The following STK3 variants were observed in gnomAD, a reference collection of about 807,000 sequenced individuals.
STK3 encodes the protein serine/threonine-protein kinase 3.
STK3 carries 41 observed loss-of-function variants against 58.0 expected under a neutral mutation model. That is an observed-to-expected ratio of 0.71 (90% CI 0.55 to 0.92). The LOEUF is 0.92. Among genes scored for constraint, STK3 ranks in the 40% least tolerant of loss-of-function variants. The pLI is 0.00. For missense variants in STK3, 479 were observed against 602.7 expected, an observed-to-expected ratio of 0.79 and a Z score of 2.15; for synonymous variants, 170 against 191.0, an observed-to-expected ratio of 0.89 and a Z score of 0.91.
chr8:98,657,800 AAC>A (rs1205144382), intron 6 of STK3, among the ~76,000 whole-genome samples: 3 of 152,140 alleles, frequency 2.0e-5, no homozygotes, highest in South Asian at 4.1e-4. Context: ...AAAGTGAAGA[AAC>A]ACAGACACAT....
At chr8:98,413,911 CCTAT>C (rs975231829) in intron 3 of STK3, 152 of 428,172 alleles carry the variant, frequency 3.5e-4, no homozygotes, top group African/African-American at 2.9e-3. Flanking sequence ...TTCACAGGGC[CCTAT>C]ATTTATTTGA....
chr8:98,827,987 T>G (rs1027362872), upstream of STK3, among the ~76,000 whole-genome samples: 3 of 141,746 alleles, frequency 2.1e-5, no homozygotes, highest in African/African-American at 7.9e-5. Flanking sequence ...TACTCCCAGC[T>G]TTTTTTTTTT....
chr8:98,623,051 C>T (rs1405691306), intron 6 of STK3, among the ~76,000 whole-genome samples: 1 of 151,902 alleles, frequency 6.6e-6, no homozygotes, highest in Non-Finnish European at 1.5e-5. Context: ...ATGAGTAATG[C>T]TCCAAAATAC....
At chr8:98,383,507 C>CA (rs1260731533) in intron 1 of STK3, among the ~76,000 whole-genome samples, 1 of 152,232 alleles carries the variant, frequency 6.6e-6, no homozygotes, top group African/African-American at 2.4e-5. Flanking sequence ...AATACTGGCT[C>CA]ACCGTGGCCA....
intron 4 of STK3, among the ~76,000 whole-genome samples, chr8:98,740,458 G>C (rs913770737): frequency 2.6e-5 from 4 of 152,174 alleles, no homozygotes; most frequent in Non-Finnish European, 5.9e-5. Context: ...TTAAAGAAAA[G>C]AATTTTTAAA....
At chr8:98,710,462 T>A (rs1044908784) in intron 4 of STK3, among the ~76,000 whole-genome samples, 1 of 152,104 alleles carries the variant, frequency 6.6e-6, no homozygotes, top group Non-Finnish European at 1.5e-5. Context: ...GCTTTTCCAA[T>A]GGTCTTAGCA....
chr8:98,442,447 C>T (rs1313911866), intron 1 of STK3, among the ~76,000 whole-genome samples: 1 of 152,268 alleles, frequency 6.6e-6, no homozygotes, highest in African/African-American at 2.4e-5. Flanking sequence ...ACCAATGGCA[C>T]TTCCAGAAAT....
At chr8:98,762,244 TG>T (rs1470779543) in intron 3 of STK3, among the ~76,000 whole-genome samples, 1 of 152,122 alleles carries the variant, frequency 6.6e-6, no homozygotes, top group African/African-American at 2.4e-5. Flanking sequence ...CATTCTTTTT[TG>T]TTTCTTTTTT....
chr8:98,542,654 T>C (rs954951504), intron 9 of STK3, among the ~76,000 whole-genome samples: 7 of 152,172 alleles, frequency 4.6e-5, no homozygotes, highest in African/African-American at 1.7e-4. Flanking sequence ...GGGCTGACAA[T>C]GCCCAGGGCT....
At chr8:98,828,942 G>A (rs1054864385), upstream of STK3, among the ~76,000 whole-genome samples, 1 of 152,202 alleles carries the variant, frequency 6.6e-6, no homozygotes, top group Non-Finnish European at 1.5e-5. Flanking sequence ...CTGATAAATC[G>A]TAAGGGCACT....
intron 1 of STK3, among the ~76,000 whole-genome samples, chr8:98,790,982 T>C (rs1003168397): frequency 7.5e-5 from 11 of 147,504 alleles, no homozygotes; most frequent in African/African-American, 2.8e-4. Context: ...AGACTCCGTC[T>C]CAAAAAAAAA....
chr8:98,398,291 G>T (rs1258589251), downstream of STK3, among the ~76,000 whole-genome samples: 1 of 152,180 alleles, frequency 6.6e-6, no homozygotes, highest in East Asian at 1.9e-4. Context: ...AGCTTTGGAT[G>T]CATCTTAGGG....
intron 3 of STK3, among the ~76,000 whole-genome samples, chr8:98,867,064 A>G (rs1193280183): frequency 6.6e-6 from 1 of 152,180 alleles, no homozygotes; most frequent in Non-Finnish European, 1.5e-5. Flanking sequence ...CATCCACTAC[A>G]TTATATTATT....
intron 1 of STK3, among the ~76,000 whole-genome samples, chr8:98,927,438 C>A (rs141075795): frequency 9.2e-5 from 14 of 152,322 alleles, no homozygotes; most frequent in African/African-American, 3.4e-4. Context: ...TCCAGAGATA[C>A]GCATATGGCA....
intron 4 of STK3, among the ~76,000 whole-genome samples, chr8:98,720,466 T>C (rs1219309191): frequency 2.6e-5 from 4 of 152,018 alleles, no homozygotes; most frequent in South Asian, 2.1e-4. Flanking sequence ...TAAGAAAAAC[T>C]GGGGCCAGGC....
In STK3 at chr8:98,655,831, A is replaced by G. The variant is rs573101852; in HGVS notation, c.684+50636T>C. ...GAATGGCGATCATTAAAAAGTCAGGAAACAACAGGTGCTGGAGAGGATGTG... is the reference window on the plus strand; with the variant it reads ...GAATGGCGATCATTAAAAAGTCAGGGAACAACAGGTGCTGGAGAGGATGTG... On this transcript the variant is annotated intron_variant, in intron 6 of 10. Transcript: ENST00000419617. Among the ~76,000 whole-genome samples, 457 of 152,288 alleles carry G rather than the reference A, an allele frequency of 3.0e-3. 4 individuals are homozygous for G. Among genetic ancestry groups the G allele is most frequent in the African/African-American group, 0.01 (425 of 41,544 alleles).
At chr8:98,741,729 A>G (rs1423925522) in intron 4 of STK3, among the ~76,000 whole-genome samples, 1 of 152,218 alleles carries the variant, frequency 6.6e-6, no homozygotes, top group African/African-American at 2.4e-5. Flanking sequence ...AGCAGAAGGC[A>G]AGAAATAACT....
chr8:98,672,099 T>TGAAA, intron 6 of STK3, among the ~76,000 whole-genome samples: 2 of 152,184 alleles, frequency 1.3e-5, no homozygotes, highest in Non-Finnish European at 2.9e-5. Flanking sequence ...GTCTCGGGTA[T>TGAAA]TTCTTCATAG....
chr8:98,529,063 T>C (rs1030585659), intron 9 of STK3, among the ~76,000 whole-genome samples: 2 of 152,204 alleles, frequency 1.3e-5, no homozygotes, highest in East Asian at 1.9e-4. Flanking sequence ...CCAACCTAGA[T>C]TGCATTTGTA....
Sources: gnomAD v4.1 joint callset for allele counts (sites outside exome capture counted in the v4.1 genomes callset) on GRCh38, gnomAD v4.1.1 for gene constraint, MANE v1.5 for transcripts, NCBI Gene and HGNC (gene_info 2026-07-23, HGNC 2026-07-21) for gene names.